Variants in SYN3 observed in about 807,000 individuals in gnomAD.
SYN3 encodes the protein synapsin III.
A neutral mutation model predicts 65.8 loss-of-function variants in SYN3; 35 were observed. That is an observed-to-expected ratio of 0.53 (90% CI 0.41 to 0.70). The LOEUF (loss-of-function observed/expected upper bound fraction) is 0.70. SYN3 is among the 30% of genes least tolerant of loss of function. The pLI, the probability that SYN3 is intolerant of heterozygous loss-of-function variation, is 0.00. For synonymous variants in SYN3, 270 were observed against 292.9 expected, an observed-to-expected ratio of 0.92 and a Z score of 0.80; for missense variants, 680 against 749.0, an observed-to-expected ratio of 0.91 and a Z score of 1.08.
intron 2 of SYN3, among the ~76,000 whole-genome samples, chr22:32,990,846 G>A (rs191627713): frequency 5.3e-5 from 8 of 152,118 alleles, no homozygotes; most frequent in Admixed American, 1.3e-4. Flanking sequence ...TGGGGAGTTC[G>A]AAACCAACCT....
At chr22:32,920,757 C>G (rs2050315824) in intron 4 of SYN3, among the ~76,000 whole-genome samples, 1 of 152,160 alleles carries the variant, frequency 6.6e-6, no homozygotes. Context: ...AGATGGGTCC[C>G]TGTTGGCAGC....
Position 32,596,573 on chromosome 22 carries a change from C to A in SYN3, c.774+101G>T, listed in dbSNP as rs539300165. Reference sequence around the variant, plus strand: ...TCTTTCTAACACTCTGTTCTGGGTGCCTGTGCTAAGGGGTTGATGGGTGAC... The same window carrying A: ...TCTTTCTAACACTCTGTTCTGGGTGACTGTGCTAAGGGGTTGATGGGTGAC... On this transcript the variant is annotated intron_variant, in intron 7 of 13. Coordinates refer to ENST00000358763, the MANE Select transcript of SYN3 (RefSeq NM_003490.4). 1.9e-5 allele frequency: 23 copies of A among 1,193,882 alleles called. No individual in the cohort carries two copies. The African/African-American group carries it at 3.5e-4, about 18-fold the overall frequency. 74.0% of individuals were successfully genotyped at this position (1,193,882 alleles called of 1,614,324 possible).
At chr22:32,733,810 G>A (rs151006742) in intron 6 of SYN3, among the ~76,000 whole-genome samples, 1 of 152,288 alleles carries the variant, frequency 6.6e-6, no homozygotes, top group Non-Finnish European at 1.5e-5. Flanking sequence ...GAGCTGGGGG[G>A]TGGGTTTTGA....
chr22:32,942,818 T>C (rs1017456166), intron 3 of SYN3, among the ~76,000 whole-genome samples: 1 of 152,132 alleles, frequency 6.6e-6, no homozygotes, highest in African/African-American at 2.4e-5. Flanking sequence ...CAGTAACCAA[T>C]TTGATCAACT....
At chr22:32,648,513 G>A (rs1352268499) in intron 6 of SYN3, among the ~76,000 whole-genome samples, 3 of 152,132 alleles carry the variant, frequency 2.0e-5, no homozygotes, top group Non-Finnish European at 4.4e-5. Context: ...TGGGAAACCC[G>A]GACTTAAAGT....
rs561521491 is a variant in SYN3, at chr22:32,991,886, C to T, written c.312-11184G>A. On this transcript the variant is annotated intron_variant, in intron 2 of 13. Coordinates refer to ENST00000358763, the MANE Select transcript of SYN3 (RefSeq NM_003490.4). ...TGGCCTCTCTCCTGTCGAAGATGCA[C>T]GTCCCAGGCAGGCCTCCACAGGCCC... Among the ~76,000 whole-genome samples the T allele has an allele frequency of 7.5e-4, 114 of 152,324 alleles. 1 individual carries two copies. The highest frequency in any genetic ancestry group is 1.4e-3 in the Non-Finnish European group (95 of 68,028).
At chr22:33,029,465 G>A (rs924915337) in intron 1 of SYN3, among the ~76,000 whole-genome samples, 1 of 152,110 alleles carries the variant, frequency 6.6e-6, no homozygotes, top group Non-Finnish European at 1.5e-5. Flanking sequence ...TTACAGGTGT[G>A]AGCCACCATG....
In SYN3 at chr22:32,869,689, G is replaced by GTTTTTTTTTTTTTTTTT. The variant is rs1288480674; in HGVS notation, c.462-565_462-564insAAAAAAAAAAAAAAAAA. Among the ~76,000 whole-genome samples, 2 of 118,448 alleles carry GTTTTTTTTTTTTTTTTT rather than the reference G, an allele frequency of 1.7e-5. 1 individual carries two copies. The highest frequency in any genetic ancestry group is 3.4e-5 in the Non-Finnish European group (2 of 59,024). 77.7% of individuals were successfully genotyped at this position (118,448 alleles called of 152,430 possible). A position where few individuals can be genotyped will look rare whatever the true frequency, so the allele number is the denominator to read the frequency against. On this transcript the variant is annotated intron_variant, in intron 4 of 13. Coordinates refer to ENST00000358763, the MANE Select transcript of SYN3 (RefSeq NM_003490.4). Reference sequence around the variant, plus strand: ...GATCTCAAATCAACCAACACATCTTGGTTTTTTTTTTTTTTTTTTTTTTCA... The same window carrying GTTTTTTTTTTTTTTTTT: ...GATCTCAAATCAACCAACACATCTTGTTTTTTTTTTTTTTTTTGTTTTTTTTTTTTTTTTTTTTTTCA...
At chr22:32,521,442 ATT>A (rs34710233) in intron 12 of SYN3, among the ~76,000 whole-genome samples, 250 of 119,740 alleles carry the variant, frequency 2.1e-3, no homozygotes, top group African/African-American at 6.9e-3. Context: ...ACACCTCTTG[ATT>A]TTTTTTTTTT....
intron 1 of SYN3, chr22:33,014,551 T>G (rs544882623): frequency 2.6e-5 from 4 of 152,274 alleles, no homozygotes; most frequent in Non-Finnish European, 4.4e-5. Flanking sequence ...GAGGCCGAGG[T>G]GGTCGGATCA....
chr22:32,710,632 C>CAAAA (rs57427060), intron 6 of SYN3, among the ~76,000 whole-genome samples: 6 of 74,960 alleles, frequency 8.0e-5, no homozygotes, highest in South Asian at 4.5e-4. Flanking sequence ...GACTCTGTCT[C>CAAAA]AAAAAAAAAA....
intron 12 of SYN3, among the ~76,000 whole-genome samples, chr22:32,524,966 G>A (rs1309214692): frequency 6.6e-6 from 1 of 152,192 alleles, no homozygotes; most frequent in Middle Eastern, 3.2e-3. Flanking sequence ...GGTCAGCCGA[G>A]ATTGCACCAC....
At chr22:32,708,849 G>T (rs1220727441) in intron 6 of SYN3, among the ~76,000 whole-genome samples, 1 of 152,240 alleles carries the variant, frequency 6.6e-6, no homozygotes, top group Non-Finnish European at 1.5e-5. Context: ...CGGGGCCCTT[G>T]AGCCAGCCAT....
At chr22:32,521,779 G>A (rs531423372) in intron 12 of SYN3, among the ~76,000 whole-genome samples, 3 of 152,090 alleles carry the variant, frequency 2.0e-5, no homozygotes, top group Admixed American at 1.3e-4. Context: ...GTTACTTTTG[G>A]GTTTTCTAAA....
intron 7 of SYN3, among the ~76,000 whole-genome samples, chr22:32,560,088 G>A (rs779149457): frequency 5.3e-5 from 8 of 152,236 alleles, no homozygotes; most frequent in South Asian, 2.1e-4. Context: ...AGGCCACTGC[G>A]CATGCAGACA....
intron 6 of SYN3, among the ~76,000 whole-genome samples, chr22:32,689,119 A>AG (rs1436306222): frequency 6.6e-6 from 1 of 152,190 alleles, no homozygotes; most frequent in Non-Finnish European, 1.5e-5. Context: ...TAGTGGGGGT[A>AG]GCAGGTACAT....
At chr22:32,712,931 A>G (rs2060985320) in intron 6 of SYN3, among the ~76,000 whole-genome samples, 1 of 152,080 alleles carries the variant, frequency 6.6e-6, no homozygotes, top group African/African-American at 2.4e-5. Flanking sequence ...CCACTTGCTC[A>G]CTTCCTTCAT....
At chr22:32,697,022 C>T (rs1025689918) in intron 6 of SYN3, among the ~76,000 whole-genome samples, 8 of 152,190 alleles carry the variant, frequency 5.3e-5, no homozygotes, top group African/African-American at 1.9e-4. Flanking sequence ...GTCCACAGAA[C>T]CATAACTCAC....
At chr22:32,944,892 C>A (rs777653938) in intron 3 of SYN3, among the ~76,000 whole-genome samples, 27 of 152,110 alleles carry the variant, frequency 1.8e-4, no homozygotes, top group Non-Finnish European at 1.5e-4. Flanking sequence ...TCTTATACAC[C>A]AATAACAGAC....
Sources: gnomAD v4.1 joint callset for allele counts (sites outside exome capture counted in the v4.1 genomes callset) on GRCh38, gnomAD v4.1.1 for gene constraint, MANE v1.5 for transcripts, NCBI Gene and HGNC (gene_info 2026-07-23, HGNC 2026-07-21) for gene names.